Variants in ZCCHC24 observed in about 807,000 individuals in gnomAD.
ZCCHC24 encodes the protein zinc finger CCHC-type containing 24.
In ZCCHC24, 10 loss-of-function variants were observed where a neutral mutation model predicts 26.2. The ratio of observed to expected loss-of-function variants is 0.38; its 90% CI spans 0.24 to 0.65. The LOEUF is 0.65. ZCCHC24 is among the 30% of genes least tolerant of loss of function. The pLI, the probability that ZCCHC24 is intolerant of heterozygous loss-of-function variation, is 0.54. For synonymous variants in ZCCHC24, 144 were observed against 147.1 expected, an observed-to-expected ratio of 0.98 and a Z score of 0.15; for missense variants, 243 against 329.1, an observed-to-expected ratio of 0.74 and a Z score of 2.03.
chr10:79,431,459 A>G (rs572186988), intron 2 of ZCCHC24, among the ~76,000 whole-genome samples: 8 of 152,176 alleles, frequency 5.3e-5, no homozygotes, highest in Non-Finnish European at 1.0e-4. Flanking sequence ...GGGGGCACAC[A>G]GATCACCTGG....
intron 2 of ZCCHC24, among the ~76,000 whole-genome samples, chr10:79,415,438 T>TCCC (rs1291873910): frequency 8.5e-5 from 13 of 152,082 alleles, no homozygotes; most frequent in African/African-American, 3.1e-4. Flanking sequence ...GGGGATGGAG[T>TCCC]CTTCAGTGTC....
chr10:79,444,536 C>T (rs1857334535), intron 1 of ZCCHC24, among the ~76,000 whole-genome samples: 1 of 151,606 alleles, frequency 6.6e-6, no homozygotes, highest in South Asian at 2.1e-4. Flanking sequence ...TCCTTCGAGG[C>T]TGGGAGGGCT....
chr10:79,433,516 G>A (rs75107699), intron 1 of ZCCHC24, among the ~76,000 whole-genome samples: 5,023 of 152,306 alleles, frequency 0.033, 127 homozygotes, highest in Middle Eastern at 0.092. Flanking sequence ...TAGGAGTCAC[G>A]GGCTCCGGGC....
intron 2 of ZCCHC24, among the ~76,000 whole-genome samples, chr10:79,404,356 C>T (rs1186104997): frequency 6.6e-6 from 1 of 152,232 alleles, no homozygotes; most frequent in Non-Finnish European, 1.5e-5. Flanking sequence ...CCTAAGTTAT[C>T]TGTTTCCTGC....
chr10:79,390,712 C>A (rs576403705), intron 3 of ZCCHC24, among the ~76,000 whole-genome samples: 3 of 152,342 alleles, frequency 2.0e-5, no homozygotes, highest in African/African-American at 7.2e-5. Context: ...GGGCCTCCCC[C>A]ACTCCCTGCA....
Position 79,386,329 on chromosome 10 carries a change from G to T in ZCCHC24, c.*16C>A, listed in dbSNP as rs751678276. 6.2e-7 allele frequency: 1 copy of T among 1,608,776 alleles called. No individual in the cohort carries two copies. Among genetic ancestry groups the T allele is most frequent in the Non-Finnish European group, 8.5e-7 (1 of 1,177,226 alleles). On this transcript the variant is annotated 3_prime_UTR_variant, in exon 4 of 4. Coordinates refer to ENST00000372336, the MANE Select transcript of ZCCHC24 (RefSeq NM_153367.4). Reference sequence around the variant, plus strand: ...GGGCTGGCGGGGGGTGGCTCTGGGTGCGGGCGGGCAGCCCGTCACTGCACG... The same window carrying T: ...GGGCTGGCGGGGGGTGGCTCTGGGTTCGGGCGGGCAGCCCGTCACTGCACG...
chr10:79,395,502 G>A (rs1329561965), intron 2 of ZCCHC24, among the ~76,000 whole-genome samples: 1 of 152,192 alleles, frequency 6.6e-6, no homozygotes, highest in African/African-American at 2.4e-5. Context: ...AATTTTTAAA[G>A]AGCAAATTGC....
In ZCCHC24 at chr10:79,386,411, C is replaced by T; in HGVS notation, c.660G>A (p.Lys220=). The change falls in exon 4 of 4, where the codon AAG becomes AAA. Residue 220 remains lysine (K), a synonymous_variant. Transcript: ENST00000372336. ...PDGLDVSDQS[K]EHPQHLCEKC... The stretch of plus-strand genomic sequence containing the variant: ...TCTCGCAGAGGTGCTGCGGGTGCTC[C>T]TTGCTCTGGTCGGACACGTCCAGGC... The T allele has an allele frequency of 6.2e-7, 1 of 1,610,998 alleles. No homozygotes were observed. Among genetic ancestry groups the T allele is most frequent in the East Asian group, 2.2e-5 (1 of 44,758 alleles).
intron 3 of ZCCHC24, among the ~76,000 whole-genome samples, chr10:79,391,052 T>C (rs1856473486): frequency 6.6e-6 from 1 of 151,482 alleles, no homozygotes; most frequent in Non-Finnish European, 1.5e-5. Flanking sequence ...GAGACCTGAG[T>C]TCCAGGGCCC....
chr10:79,386,106 G>C lies in ZCCHC24; in HGVS notation c.*239C>G. The C allele has an allele frequency of 1.7e-6, 1 of 593,342 alleles. No individual in the cohort carries two copies. Among genetic ancestry groups the C allele is most frequent in the South Asian group, 2.1e-5 (1 of 47,592 alleles). 36.8% of individuals were successfully genotyped at this position (593,342 alleles called of 1,614,324 possible). A position where few individuals can be genotyped will look rare whatever the true frequency, so the allele number is the denominator to read the frequency against. On this transcript the variant is annotated 3_prime_UTR_variant, in exon 4 of 4. Coordinates refer to ENST00000372336, the MANE Select transcript of ZCCHC24 (RefSeq NM_153367.4). Reference sequence around the variant, plus strand: ...CTTTGTCCCCTCCACTGAGACCCCAGGCCCGCCTGCAAAAAGCCCCAGACT... The same window carrying C: ...CTTTGTCCCCTCCACTGAGACCCCACGCCCGCCTGCAAAAAGCCCCAGACT...
At chr10:79,406,593 G>A (rs1454786762) in intron 2 of ZCCHC24, among the ~76,000 whole-genome samples, 1 of 152,114 alleles carries the variant, frequency 6.6e-6, no homozygotes, top group Non-Finnish European at 1.5e-5. Context: ...CCCCTGCCTG[G>A]GCCCCAGGTT....
chr10:79,416,040 C>G (rs898286950), intron 2 of ZCCHC24, among the ~76,000 whole-genome samples: 2 of 152,222 alleles, frequency 1.3e-5, no homozygotes, highest in Non-Finnish European at 2.9e-5. Context: ...TTTTGATAAG[C>G]TCCAGGTACT....
chr10:79,445,305 C>T lies in ZCCHC24; in HGVS notation c.136G>A (p.Ala46Thr). Residue 46 changes from alanine to threonine, a missense_variant, in exon 1 of 4, where the codon GCC becomes ACC. Physicochemically the swap from Ala to Thr is moderately conservative, Grantham distance 58. Around this residue, in one of 2 missense-constraint regions of ZCCHC24, gnomAD observed 147 missense variants for 150.8 expected, o/e 0.97. Coordinates refer to ENST00000372336, the MANE Select transcript of ZCCHC24 (RefSeq NM_153367.4). ...GCCAGCTCCGGGGGTGCGGCGCCGG[C>T]GGTCGGCTCGGGCCGGAAGGCATCG... is the stretch of plus-strand genomic sequence containing the variant. Reference protein sequence around the residue: ...AFDAFRPEPTAGAAPPELAFG... With the variant: ...AFDAFRPEPTTGAAPPELAFG... 6.7e-7 allele frequency: 1 copy of T among 1,492,656 alleles called. No individual in the cohort carries two copies. Among genetic ancestry groups the T allele is most frequent in the Non-Finnish European group, 8.9e-7 (1 of 1,120,638 alleles). 92.5% of individuals were successfully genotyped at this position (1,492,656 alleles called of 1,614,324 possible). A position where few individuals can be genotyped will look rare whatever the true frequency, so the allele number is the denominator to read the frequency against.
chr10:79,443,603 T>C (rs1451320867), intron 1 of ZCCHC24, among the ~76,000 whole-genome samples: 2 of 152,212 alleles, frequency 1.3e-5, no homozygotes, highest in Non-Finnish European at 2.9e-5. Context: ...CCCCGGGTCC[T>C]GCCCAGAGCT....
intron 1 of ZCCHC24, among the ~76,000 whole-genome samples, chr10:79,433,132 AG>A (rs1428165009): frequency 3.3e-5 from 5 of 152,222 alleles, no homozygotes; most frequent in African/African-American, 1.2e-4. Context: ...TACTGCCATG[AG>A]GTAAGAACAT....
chr10:79,388,735 G>C (rs913581012), intron 3 of ZCCHC24, among the ~76,000 whole-genome samples: 1 of 152,190 alleles, frequency 6.6e-6, no homozygotes, highest in Non-Finnish European at 1.5e-5. Context: ...TACACATTAT[G>C]TGGCAAAGTA....
intron 2 of ZCCHC24, among the ~76,000 whole-genome samples, chr10:79,423,892 C>T (rs1043250870): frequency 6.6e-6 from 1 of 151,348 alleles, no homozygotes; most frequent in African/African-American, 2.4e-5. Flanking sequence ...GTGGCAGGCA[C>T]CTGTAATCCC....
chr10:79,394,702 G>A (rs1856522380), intron 2 of ZCCHC24: 1 of 911,716 alleles, frequency 1.1e-6, no homozygotes, highest in Non-Finnish European at 1.3e-6. Flanking sequence ...GATTTAAGGG[G>A]TAAAGTACTC....
intron 2 of ZCCHC24, among the ~76,000 whole-genome samples, chr10:79,406,529 G>GTGCAGGAAGCTC (rs1178314919): frequency 1.3e-5 from 2 of 152,154 alleles, no homozygotes; most frequent in Non-Finnish European, 2.9e-5. Flanking sequence ...AGGGTGTTCT[G>GTGCAGGAAGCTC]TGCAGGAAGC....
Sources: gnomAD v4.1 joint callset for allele counts (sites outside exome capture counted in the v4.1 genomes callset) on GRCh38, gnomAD v4.1.1 for gene constraint, gnomAD v4.1.1 regional missense constraint, MANE v1.5 for transcripts, NCBI Gene and HGNC (gene_info 2026-07-23, HGNC 2026-07-21) for gene names.